The following MRTFB variants were observed in gnomAD, a reference collection of about 807,000 sequenced individuals.
MRTFB encodes myocardin-related transcription factor B.
Under a neutral mutation model 104.2 loss-of-function variants are expected in MRTFB, and 29 were observed. The observed-to-expected ratio is 0.28, with a 90% CI of 0.21 to 0.38. The LOEUF is 0.38. Among genes scored for constraint, MRTFB ranks in the 10% least tolerant of loss-of-function variants. The probability of loss-of-function intolerance (pLI) is 1.00; values close to 1 mark genes in which losing one functional copy is unlikely to be tolerated. For synonymous variants in MRTFB, 535 were observed against 519.5 expected, an observed-to-expected ratio of 1.03 and a Z score of -0.41; for missense variants, 1,270 against 1,341.6, an observed-to-expected ratio of 0.95 and a Z score of 0.83.
the MRTFB span, among the ~76,000 whole-genome samples, chr16:14,060,725 C>G: frequency 6.6e-6 from 1 of 152,002 alleles, no homozygotes; most frequent in Non-Finnish European, 1.5e-5. Flanking sequence ...TTCTCTTATC[C>G]AGGTGGGGTT....
the MRTFB span, chr16:14,013,147 G>C: frequency 2.6e-5 from 4 of 152,206 alleles, no homozygotes; most frequent in African/African-American, 9.7e-5. Flanking sequence ...TGTCCTGAGC[G>C]CTCTGAGTGA....
At chr16:14,066,664 C>T (rs775880084), upstream of MRTFB, among the ~76,000 whole-genome samples, 15 of 150,298 alleles carry the variant, frequency 1.0e-4, no homozygotes, top group Non-Finnish European at 1.9e-4. Context: ...GCATATGAGA[C>T]TCACCTCTGT....
intron 3 of MRTFB, among the ~76,000 whole-genome samples, chr16:14,149,839 G>A (rs1475412533): frequency 2.0e-5 from 3 of 152,148 alleles, no homozygotes; most frequent in South Asian, 2.1e-4. Flanking sequence ...TGAAAAAGAA[G>A]AACCTAGTTT....
upstream of MRTFB, among the ~76,000 whole-genome samples, chr16:14,069,392 A>G (rs1231187125): frequency 6.6e-6 from 1 of 152,188 alleles, no homozygotes; most frequent in Non-Finnish European, 1.5e-5. Context: ...ACTGCGACTG[A>G]GCTATGTCAC....
In MRTFB at chr16:14,246,594, G is replaced by A. The variant is rs1350850780; in HGVS notation, c.1334G>A (p.Gly445Asp). 1.2e-6 allele frequency: 2 copies of A among 1,614,104 alleles called. No individual in the cohort carries two copies. The highest frequency in any genetic ancestry group is 1.6e-4 in the Middle Eastern group (1 of 6,062). ...AACAGCAGCGGCCTTGCTGCTGGGG[G>A]CATCGTGGCAGTGTCATCATCAGCC... Reference protein sequence around the residue: ...EVNSSGLAAGGIVAVSSSAIV... With the variant: ...EVNSSGLAAGDIVAVSSSAIV... Residue 445 changes from glycine (G) to aspartate (D), a missense_variant, in exon 12 of 17, where the codon GGC (glycine) becomes GAC (aspartate). By Grantham distance (94) the Gly-to-Asp change is moderately conservative (BLOSUM62 -1). Around this residue, in one of 3 missense-constraint regions of MRTFB, gnomAD observed 1,144 missense variants for 1,131.5 expected, o/e 1.01. Transcript: ENST00000571589.
chr16:14,108,105 T>G (rs1442495437), intron 2 of MRTFB, among the ~76,000 whole-genome samples: 2 of 152,204 alleles, frequency 1.3e-5, no homozygotes, highest in Non-Finnish European at 2.9e-5. Flanking sequence ...AATTTCTACC[T>G]GGCTTCAGTC....
At chr16:14,052,459 C>T in the MRTFB span, among the ~76,000 whole-genome samples, 26 of 152,080 alleles carry the variant, frequency 1.7e-4, no homozygotes, top group East Asian at 1.2e-3. Context: ...ATATACAGGC[C>T]GGGCACAGTG....
At chr16:14,052,066 C>A in the MRTFB span, among the ~76,000 whole-genome samples, 1 of 152,070 alleles carries the variant, frequency 6.6e-6, no homozygotes, top group Non-Finnish European at 1.5e-5. Context: ...GTGAAGCGCG[C>A]CACCCACCCT....
Position 14,218,944 on chromosome 16 carries a change from T to C in MRTFB, c.639T>C (p.Ser213=). 1 of 1,614,064 alleles carries C rather than the reference T, an allele frequency of 6.2e-7. No individual in the cohort carries two copies. The highest frequency in any genetic ancestry group is 8.5e-7 in the Non-Finnish European group (1 of 1,179,982). ...CACAGGGGTCAGCCGCGTCCCCAAG[T>C]GAGCCAAAAGTTAGTGAATCGCCAT... The part of the protein sequence containing the change: ...QESQGSAASP[S]EPKVSESPSP... The change falls in exon 8 of 17, where the codon AGT becomes AGC. Residue 213 remains serine (S), a synonymous_variant. Transcript: ENST00000571589.
intron 3 of MRTFB, among the ~76,000 whole-genome samples, chr16:14,185,176 T>G (rs2039908151): frequency 6.6e-6 from 1 of 152,218 alleles, no homozygotes; most frequent in Non-Finnish European, 1.5e-5. Context: ...AGGTTTGGAC[T>G]GCCGAGGATG....
the MRTFB span, among the ~76,000 whole-genome samples, chr16:14,030,148 T>C: frequency 6.6e-6 from 1 of 152,118 alleles, no homozygotes; most frequent in Non-Finnish European, 1.5e-5. Context: ...CTGGCTCAGT[T>C]TTCTGGGTCT....
intron 2 of MRTFB, among the ~76,000 whole-genome samples, chr16:14,118,159 CAG>C (rs2036642312): frequency 7.2e-6 from 1 of 138,844 alleles, no homozygotes; most frequent in Non-Finnish European, 1.5e-5. Flanking sequence ...TTTTGTGAGA[CAG>C]GGTCTCATTC....
Position 14,242,935 on chromosome 16 carries a change from C to G in MRTFB, c.1079+2451C>G, listed in dbSNP as rs188469455. ...GGGGGTAATACCACTCACAAGGAAGCAAAAGGTGGCTCAGCAGGGAGACTA... is the reference window on the plus strand; with the variant it reads ...GGGGGTAATACCACTCACAAGGAAGGAAAAGGTGGCTCAGCAGGGAGACTA... On this transcript the variant is annotated intron_variant, in intron 10 of 16. Coordinates refer to ENST00000571589, the MANE Select transcript of MRTFB (RefSeq NM_001308142.2). 2.1e-3 allele frequency among the ~76,000 whole-genome samples: 319 copies of G among 151,804 alleles called. 1 individual carries two copies. Among genetic ancestry groups the G allele is most frequent in the South Asian group, 5.6e-3 (27 of 4,794 alleles).
chr16:14,070,254 A>T (rs141872877), upstream of MRTFB, among the ~76,000 whole-genome samples: 10 of 152,372 alleles, frequency 6.6e-5, no homozygotes, highest in African/African-American at 2.4e-4. Context: ...CCCAGGTTCA[A>T]ATCCTATTTC....
the MRTFB span, among the ~76,000 whole-genome samples, chr16:14,021,929 G>C: frequency 6.6e-6 from 1 of 152,194 alleles, no homozygotes. Flanking sequence ...CCGCCGGGTA[G>C]ATACCCAGTA....
At position 14,146,095 on chromosome 16, in the gene MRTFB, G is replaced by C. The variant is rs2038296910; in HGVS notation, c.154+5335G>C. On this transcript the variant is annotated intron_variant, in intron 3 of 16. Coordinates refer to ENST00000571589, the MANE Select transcript of MRTFB (RefSeq NM_001308142.2). The stretch of plus-strand genomic sequence containing the variant: ...CAGAGTAAGCAGAGAAGTTAATACA[G>C]ATTTTCATTTTTAAAAACTGTTTGG... Among the ~76,000 whole-genome samples the C allele has an allele frequency of 2.6e-5, 4 of 152,318 alleles. No homozygotes were observed. The South Asian group carries it at 8.3e-4, about 32-fold the overall frequency.
chr16:14,164,530 A>G (rs2039161012), intron 3 of MRTFB, among the ~76,000 whole-genome samples: 2 of 152,098 alleles, frequency 1.3e-5, no homozygotes. Flanking sequence ...ATTTGGATCC[A>G]TATCTTTGCT....
In MRTFB at chr16:14,246,736, C is replaced by T. The variant is rs766706048; in HGVS notation, c.1476C>T (p.Asn492=). The T allele has an allele frequency of 8.1e-6, 13 of 1,614,068 alleles. No homozygotes were observed. The highest frequency in any genetic ancestry group is 1.6e-4 in the Middle Eastern group (1 of 6,084). Residue 492 remains asparagine, a synonymous_variant, in exon 12 of 17, where the codon AAC becomes AAT. Transcript: ENST00000571589. The stretch of plus-strand genomic sequence containing the variant: ...AATTGCCACCTACAGGAACCAGCAA[C>T]GCAACCCGTGTGGAAAATGTTCATT... ...KAELPPTGTS[N]ATRVENVHSP...
the MRTFB span, among the ~76,000 whole-genome samples, chr16:14,065,757 T>G: frequency 6.6e-6 from 1 of 152,058 alleles, no homozygotes; most frequent in African/African-American, 2.4e-5. Flanking sequence ...AAAAAAAATT[T>G]TTTTTAATGT....
Sources: allele counts gnomAD v4.1 joint callset (sites outside exome capture counted in the v4.1 genomes callset), GRCh38; gene constraint gnomAD v4.1.1; regional missense constraint gnomAD v4.1.1; transcripts MANE v1.5; gene names NCBI Gene and HGNC (gene_info 2026-07-23, HGNC 2026-07-21).